The following NXPH1 variants were observed in gnomAD, a reference collection of about 807,000 sequenced individuals.
NXPH1 encodes the protein neurexophilin-1.
In NXPH1, 5 loss-of-function variants were observed where a neutral mutation model predicts 23.7. That is an observed-to-expected ratio of 0.21 (90% CI 0.11 to 0.44). The LOEUF (loss-of-function observed/expected upper bound fraction) is 0.44, where lower values mean the gene tolerates loss of function less well. Among genes scored for constraint, NXPH1 ranks in the 20% least tolerant of loss-of-function variants. The pLI, the probability that NXPH1 is intolerant of heterozygous loss-of-function variation, is 0.99. For missense variants in NXPH1, 324 were observed against 321.6 expected (o/e 1.01, Z -0.06); for synonymous variants, 144 against 122.2 (o/e 1.18, Z -1.18).
rs1780563189 is a variant in NXPH1 at position 8,751,430 on chromosome 7, T to A, written c.477T>A (p.Gly159=). 6.2e-7 allele frequency: 1 copy of A among 1,613,866 alleles called. No homozygotes were observed. The highest frequency in any genetic ancestry group is 1.3e-5 in the African/African-American group (1 of 75,044). ...FSVYFRHNST[G]QGNVSVSLVP... is the part of the protein sequence containing the mutation. ...TTTATTTCAGGCATAATTCAACTGG[T>A]CAAGGGAATGTATCTGTCAGCTTGG... The change falls in exon 3 of 3, where the codon GGT becomes GGA. Residue 159 remains glycine, a synonymous_variant. Transcript: ENST00000405863. This position sits in a 1 kb window ranked among gnomAD's most constrained non-coding sequence, Gnocchi z 4.5.
chr7:8,637,052 A>G (rs1416595444), intron 2 of NXPH1, among the ~76,000 whole-genome samples: 1 of 152,052 alleles, frequency 6.6e-6, no homozygotes, highest in Non-Finnish European at 1.5e-5. Context: ...TTTTGTGTAC[A>G]TTTTGTCCTT....
intron 2 of NXPH1, among the ~76,000 whole-genome samples, chr7:8,732,754 G>A (rs541197878): frequency 6.6e-6 from 1 of 151,966 alleles, no homozygotes; most frequent in Non-Finnish European, 1.5e-5. Flanking sequence ...CTGGGTTATT[G>A]TCTCCTTGTT....
intron 2 of NXPH1, among the ~76,000 whole-genome samples, chr7:8,647,314 C>T (rs1820412427): frequency 6.6e-6 from 1 of 152,118 alleles, no homozygotes; most frequent in African/African-American, 2.4e-5. Flanking sequence ...AAGCAGAAGT[C>T]AGCTAGAAGA....
intron 2 of NXPH1, among the ~76,000 whole-genome samples, chr7:8,585,045 G>A (rs1387959948): frequency 6.6e-6 from 1 of 152,154 alleles, no homozygotes; most frequent in Non-Finnish European, 1.5e-5. Flanking sequence ...TATTGGAGAT[G>A]TCAGTAGTGT....
chr7:8,665,322 A>G (rs1820742691), intron 2 of NXPH1, among the ~76,000 whole-genome samples: 1 of 152,046 alleles, frequency 6.6e-6, no homozygotes, highest in Non-Finnish European at 1.5e-5. Context: ...CTAAAAATCA[A>G]TTAACCATAG....
chr7:8,750,904 G>A, intron 2 of NXPH1, 104 bp from the exon 3 acceptor site: 1 of 1,156,938 alleles, frequency 8.6e-7, no homozygotes. Context: ...TTAAAAAAAA[G>A]TGTAATTATT....
chr7:8,556,620 T>C (rs1818361994), intron 2 of NXPH1, among the ~76,000 whole-genome samples: 1 of 151,700 alleles, frequency 6.6e-6, no homozygotes, highest in South Asian at 2.1e-4. Flanking sequence ...CATTACATCA[T>C]CAGAAACAAA....
At chr7:8,572,446 T>G (rs1292224359) in intron 2 of NXPH1, among the ~76,000 whole-genome samples, 1 of 152,066 alleles carries the variant, frequency 6.6e-6, no homozygotes, top group African/African-American at 2.4e-5. Flanking sequence ...ATAAAATTAC[T>G]GACTTATTTT....
rs556781334 is a variant in NXPH1, at chr7:8,690,108, G to A, written c.55-60900G>A. The stretch of plus-strand genomic sequence containing the variant: ...AAGAAGATTGGATTATTTTAATAAA[G>A]CAATCTAGACTCATACCCCTGTGGC... On this transcript the variant is annotated intron_variant, in intron 2 of 2. Transcript: ENST00000405863. Among the ~76,000 whole-genome samples, 35 of 152,282 alleles carry A rather than the reference G, an allele frequency of 2.3e-4. No individual in the cohort carries two copies. In the South Asian group the frequency reaches 7.0e-3, roughly 31 times the overall value.
chr7:8,526,249 C>A (rs1468438110), intron 2 of NXPH1, among the ~76,000 whole-genome samples: 1 of 152,152 alleles, frequency 6.6e-6, no homozygotes, highest in African/African-American at 2.4e-5. Context: ...CCCTGTAATC[C>A]CTTTGTTTTG....
At chr7:8,446,260 C>T (rs1047808793) in intron 2 of NXPH1, among the ~76,000 whole-genome samples, 1 of 152,144 alleles carries the variant, frequency 6.6e-6, no homozygotes, top group Non-Finnish European at 1.5e-5. Flanking sequence ...CACTGGTATG[C>T]TAATCATGGG....
chr7:8,601,666 A>G (rs1819365067), intron 2 of NXPH1, among the ~76,000 whole-genome samples: 1 of 152,232 alleles, frequency 6.6e-6, no homozygotes, highest in Non-Finnish European at 1.5e-5. Context: ...ATCATGGAAT[A>G]GATCATGTCA....
At chr7:8,452,088 C>A (rs1816516469) in intron 2 of NXPH1, among the ~76,000 whole-genome samples, 1 of 152,180 alleles carries the variant, frequency 6.6e-6, no homozygotes, top group African/African-American at 2.4e-5. Flanking sequence ...TTGCATCAGC[C>A]TGGTGAAATT....
At chr7:8,718,567 T>C (rs544420228) in intron 2 of NXPH1, among the ~76,000 whole-genome samples, 2 of 152,334 alleles carry the variant, frequency 1.3e-5, no homozygotes, top group African/African-American at 4.8e-5. Context: ...GTTAATGACA[T>C]CAAGAGTTTA....
intron 2 of NXPH1, among the ~76,000 whole-genome samples, chr7:8,585,743 G>A (rs1213274947): frequency 6.6e-6 from 1 of 152,198 alleles, no homozygotes; most frequent in African/African-American, 2.4e-5. Context: ...TTTGCAATTA[G>A]TTGGTGCTAC....
At chr7:8,615,417 T>G (rs1381949046) in intron 2 of NXPH1, among the ~76,000 whole-genome samples, 2 of 152,042 alleles carry the variant, frequency 1.3e-5, no homozygotes, top group Non-Finnish European at 2.9e-5. Flanking sequence ...GATGGGATAA[T>G]TTAAATGAGT....
At chr7:8,749,836 G>A (rs1417479374) in intron 2 of NXPH1, among the ~76,000 whole-genome samples, 1 of 152,198 alleles carries the variant, frequency 6.6e-6, no homozygotes, top group African/African-American at 2.4e-5. Flanking sequence ...TGGGTCCTTA[G>A]TTCTGTTAGC....
At chr7:8,683,970 G>T (rs1319888312) in intron 2 of NXPH1, among the ~76,000 whole-genome samples, 2 of 152,194 alleles carry the variant, frequency 1.3e-5, no homozygotes, top group Non-Finnish European at 2.9e-5. Context: ...GATGGCATCT[G>T]TGTTGCATAC....
At chr7:8,517,806 G>A (rs1817709991) in intron 2 of NXPH1, among the ~76,000 whole-genome samples, 1 of 152,142 alleles carries the variant, frequency 6.6e-6, no homozygotes, top group South Asian at 2.1e-4. Context: ...TTGAGATAAT[G>A]TAACATAATG....
Sources: allele counts gnomAD v4.1 joint callset (sites outside exome capture counted in the v4.1 genomes callset), GRCh38; gene constraint gnomAD v4.1.1; non-coding constraint Gnocchi (gnomAD v3.1); transcripts MANE v1.5; gene names NCBI Gene and HGNC (gene_info 2026-07-23, HGNC 2026-07-21).